The following PTPRS variants were observed in gnomAD, a reference collection of about 807,000 sequenced individuals.
PTPRS encodes the protein protein tyrosine phosphatase receptor type S.
In PTPRS, 63 loss-of-function variants were observed where a neutral mutation model predicts 215.3. The ratio of observed to expected loss-of-function variants is 0.29; its 90% CI spans 0.24 to 0.36. The LOEUF is 0.36. PTPRS is among the 10% of genes least tolerant of loss of function. The pLI, the probability that PTPRS is intolerant of heterozygous loss-of-function variation, is 1.00. For missense variants in PTPRS, 2,258 were observed against 2,825.8 expected, an observed-to-expected ratio of 0.80 and a Z score of 4.56; for synonymous variants, 1,404 against 1,191.4, an observed-to-expected ratio of 1.18 and a Z score of -3.68.
intron 1 of PTPRS, among the ~76,000 whole-genome samples, chr19:5,309,147 A>C (rs939116921): frequency 6.6e-6 from 1 of 151,940 alleles, no homozygotes; most frequent in Non-Finnish European, 1.5e-5. Flanking sequence ...TGGAGAGAGA[A>C]GGGAGGAAGG....
intron 1 of PTPRS, among the ~76,000 whole-genome samples, chr19:5,324,396 G>T (rs2050116363): frequency 6.6e-6 from 1 of 152,138 alleles, no homozygotes; most frequent in South Asian, 2.1e-4. Context: ...GCTTCCCCTG[G>T]CAGGACCCAG....
At chr19:5,280,016 A>T (rs2047716663) in intron 2 of PTPRS, among the ~76,000 whole-genome samples, 4 of 152,232 alleles carry the variant, frequency 2.6e-5, no homozygotes. Flanking sequence ...TTGCTTAAAT[A>T]AAAAAGTGAG....
At chr19:5,335,349 A>G (rs988942960) in intron 1 of PTPRS, among the ~76,000 whole-genome samples, 15 of 152,352 alleles carry the variant, frequency 9.8e-5, no homozygotes, top group African/African-American at 3.6e-4. Context: ...GAGAGAACAC[A>G]GAGAGGTCAG....
chr19:5,324,584 G>C (rs79924223), intron 1 of PTPRS, among the ~76,000 whole-genome samples: 21,005 of 152,248 alleles, frequency 0.14, 1,646 homozygotes, highest in Admixed American at 0.24. Flanking sequence ...TGGGTTAAAG[G>C]GGGGAGGCCC....
chr19:5,228,449 G>A (rs1047632905), intron 16 of PTPRS, among the ~76,000 whole-genome samples: 3 of 150,460 alleles, frequency 2.0e-5, no homozygotes, highest in African/African-American at 7.4e-5. Context: ...AGGTTCAAAC[G>A]ATTCTCCTGC....
intron 32 of PTPRS, 87 bp downstream of exon 32, chr19:5,211,877 TA>T: frequency 1.3e-6 from 2 of 1,567,348 alleles, no homozygotes; most frequent in Non-Finnish European, 1.7e-6. Context: ...CACCACCTTC[TA>T]GTCCCCATTG....
chr19:5,312,950 T>C (rs1162188650), intron 1 of PTPRS, among the ~76,000 whole-genome samples: 1 of 152,206 alleles, frequency 6.6e-6, no homozygotes, highest in African/African-American at 2.4e-5. Context: ...AGTCTCACTC[T>C]GTCGCCCAGG....
At chr19:5,278,239 G>C (rs12974466) in intron 2 of PTPRS, 55,007 of 360,648 alleles carry the variant, frequency 0.15, 6,008 homozygotes, top group Non-Finnish European at 0.19. Context: ...TTTTGTTTCA[G>C]ACAGGGACTC....
rs1448084275 is a variant in PTPRS at position 5,257,300 on chromosome 19, G to A, written c.706+717C>T. The A allele has an allele frequency of 2.4e-6, 1 of 408,446 alleles. No homozygotes were observed. The highest frequency in any genetic ancestry group is 5.0e-6 in the Non-Finnish European group (1 of 198,166). 25.3% of individuals were successfully genotyped at this position (408,446 alleles called of 1,614,324 possible). A position where few individuals can be genotyped will look rare whatever the true frequency, so the allele number is the denominator to read the frequency against. The stretch of plus-strand genomic sequence containing the variant: ...CCCACGCTGCTGGGCATGACTGAGT[G>A]GGAATTGGAAACTGAGAGTAACAAG... On this transcript the variant is annotated intron_variant, in intron 8 of 37. Transcript: ENST00000262963. The surrounding 1 kb of genome is among the most constrained non-coding windows in gnomAD (Gnocchi z 4.4).
At chr19:5,316,753 T>C (rs527891811) in intron 1 of PTPRS, among the ~76,000 whole-genome samples, 19 of 152,240 alleles carry the variant, frequency 1.2e-4, no homozygotes, top group Admixed American at 3.9e-4. Context: ...GGTCTCGAAC[T>C]CCTGAGCTCA....
Position 5,287,939 on chromosome 19 carries a change from TCA to T in PTPRS, c.-94-1707_-94-1706del, listed in dbSNP as rs965611405. Among the ~76,000 whole-genome samples, 3 of 123,976 alleles carry T rather than the reference TCA, an allele frequency of 2.4e-5. No individual in the cohort carries two copies. The highest frequency in any genetic ancestry group is 5.1e-5 in the Non-Finnish European group (3 of 59,126). 81.3% of individuals were successfully genotyped at this position (123,976 alleles called of 152,430 possible). Reference sequence around the variant, plus strand: ...GCAAGAGACACAGAAACAAATGCATTCACACAGTCAGGCAGCAGAGACGGGCA... The same window carrying T: ...GCAAGAGACACAGAAACAAATGCATTCACAGTCAGGCAGCAGAGACGGGCA... On this transcript the variant is annotated intron_variant, in intron 1 of 37. Coordinates refer to ENST00000262963, the MANE Select transcript of PTPRS (RefSeq NM_002850.4). The surrounding 1 kb of genome is among the most constrained non-coding windows in gnomAD (Gnocchi z 4.8).
chr19:5,228,345 G>GAAAAAAAAAAAAAAA lies in PTPRS; in HGVS notation c.2376+970_2376+971insTTTTTTTTTTTTTTT, dbSNP rs1491502602. Among the ~76,000 whole-genome samples, 105 of 33,146 alleles carry GAAAAAAAAAAAAAAA rather than the reference G, an allele frequency of 3.2e-3. 6 individuals are homozygous for GAAAAAAAAAAAAAAA. The highest frequency in any genetic ancestry group is 4.2e-3 in the Non-Finnish European group (65 of 15,454). The allele number at this position is 33,146 out of a possible 152,430, so 21.7% of individuals were successfully genotyped here. A position where few individuals can be genotyped will look rare whatever the true frequency, so the allele number is the denominator to read the frequency against. On this transcript the variant is annotated intron_variant, in intron 16 of 37. Transcript: ENST00000262963. ...GGGCGATAGTGTGAGACTCCGTCTGGAGAAAAAAAAAAAAAAAAGAGACAG... is the reference window on the plus strand; with the variant it reads ...GGGCGATAGTGTGAGACTCCGTCTGGAAAAAAAAAAAAAAAAGAAAAAAAAAAAAAAAAGAGACAG...
intron 16 of PTPRS, among the ~76,000 whole-genome samples, chr19:5,228,642 C>T (rs991329848): frequency 6.6e-6 from 1 of 152,118 alleles, no homozygotes; most frequent in Admixed American, 6.5e-5. Context: ...CCACGCCCAG[C>T]CAAGGGACCA....
chr19:5,241,214 C>G (rs1182821173), intron 11 of PTPRS, among the ~76,000 whole-genome samples: 1 of 151,782 alleles, frequency 6.6e-6, no homozygotes, highest in East Asian at 2.0e-4. Flanking sequence ...CAAATCACCC[C>G]AGTGCCCTCG....
Position 5,211,714 on chromosome 19 carries a change from A to G in PTPRS, c.5110T>C (p.Cys1704Arg). The G allele has an allele frequency of 1.2e-6, 2 of 1,614,128 alleles. No homozygotes were observed. The highest frequency in any genetic ancestry group is 1.1e-5 in the South Asian group (1 of 91,090). The stretch of plus-strand genomic sequence containing the variant: ...ACCAGGCGGTTCTTGAACTTGTTAC[A>G]AGGCAGATTGGCACTGATGAAGCGT... ...TSRFISANLP[C>R]NKFKNRLVNI... The change falls in exon 33 of 38, where the codon TGT becomes CGT. Residue 1704 changes from cysteine (C) to arginine (R), a missense_variant. Around this residue, in one of 6 missense-constraint regions of PTPRS, gnomAD observed 927 missense variants for 1,125.9 expected, o/e 0.82. Transcript: ENST00000262963.
rs796272348 is a variant in PTPRS at position 5,315,101 on chromosome 19, T to G, written c.-95+25563A>C. Reference sequence around the variant, plus strand: ...GCTGTTCCATCTGCCTAGAACACACTTCCCTCCCCTCACTGCCCAGTTAAC... The same window carrying G: ...GCTGTTCCATCTGCCTAGAACACACGTCCCTCCCCTCACTGCCCAGTTAAC... On this transcript the variant is annotated intron_variant, in intron 1 of 37. Transcript: ENST00000262963. Among the ~76,000 whole-genome samples the G allele has an allele frequency of 7.2e-5, 11 of 152,080 alleles. 1 individual carries two copies. Among genetic ancestry groups the G allele is most frequent in the African/African-American group, 2.7e-4 (11 of 41,508 alleles).
chr19:5,224,253 A>G (rs2042273333), intron 17 of PTPRS, among the ~76,000 whole-genome samples: 1 of 152,206 alleles, frequency 6.6e-6, no homozygotes, highest in Non-Finnish European at 1.5e-5. Flanking sequence ...GGGAACCACG[A>G]GAAGATCTGG....
intron 1 of PTPRS, among the ~76,000 whole-genome samples, chr19:5,329,029 G>A (rs2050244877): frequency 6.6e-6 from 1 of 152,206 alleles, no homozygotes; most frequent in Non-Finnish European, 1.5e-5. Flanking sequence ...GGAGGGGCGG[G>A]TGAGGTGTGG....
intron 4 of PTPRS, among the ~76,000 whole-genome samples, chr19:5,268,170 A>AAAAT (rs375188356): frequency 1.4e-5 from 2 of 142,216 alleles, no homozygotes; most frequent in African/African-American, 5.0e-5. Context: ...ACTCCATCTC[A>AAAAT]AAATAAATAA....
Sources: gnomAD v4.1 joint callset for allele counts (sites outside exome capture counted in the v4.1 genomes callset) on GRCh38, gnomAD v4.1.1 for gene constraint, gnomAD v4.1.1 regional missense constraint, Gnocchi (gnomAD v3.1) non-coding constraint, MANE v1.5 for transcripts, NCBI Gene and HGNC (gene_info 2026-07-23, HGNC 2026-07-21) for gene names.